The following GAS7 variants were observed in gnomAD, a reference collection of about 807,000 sequenced individuals.
GAS7 encodes the protein growth arrest-specific protein 7.
Under a neutral mutation model 71.1 loss-of-function variants are expected in GAS7, and 28 were observed. That is an observed-to-expected ratio of 0.39 (90% CI 0.29 to 0.54). GAS7 has a LOEUF of 0.54. GAS7 is among the 20% of genes least tolerant of loss of function. GAS7 has a pLI of 0.62. For synonymous variants in GAS7, 258 were observed against 245.8 expected (o/e 1.05, Z -0.46); for missense variants, 436 against 627.8 (o/e 0.69, Z 3.27).
chr17:10,148,148 G>T (rs1478855055), intron 1 of GAS7, among the ~76,000 whole-genome samples: 2 of 151,998 alleles, frequency 1.3e-5, no homozygotes, highest in African/African-American at 2.4e-5. Flanking sequence ...TGAGAAAGAG[G>T]GAGTCAAAAA....
At chr17:9,977,023 T>G (rs1045005563) in intron 3 of GAS7, among the ~76,000 whole-genome samples, 2 of 152,208 alleles carry the variant, frequency 1.3e-5, no homozygotes, top group Non-Finnish European at 2.9e-5. Flanking sequence ...ACTCATGACA[T>G]CTGAATAAAG....
Position 10,153,535 on chromosome 17 carries a change from A to G in GAS7, c.183+44673T>C, listed in dbSNP as rs921356639. On this transcript the variant is annotated intron_variant, in intron 1 of 13. Transcript: ENST00000432992. ...TTTGACTCACAAAAAAAAAAAAAAAAAGAAATCAATGAGAAACCTGAAGCC... is the reference window on the plus strand; with the variant it reads ...TTTGACTCACAAAAAAAAAAAAAAAGAGAAATCAATGAGAAACCTGAAGCC... 2.3e-4 allele frequency among the ~76,000 whole-genome samples: 35 copies of G among 151,700 alleles called. 1 individual carries two copies. In the South Asian group the frequency reaches 6.8e-3, roughly 30 times the overall value.
chr17:9,963,802 G>A (rs946031426), intron 4 of GAS7, among the ~76,000 whole-genome samples: 7 of 151,908 alleles, frequency 4.6e-5, no homozygotes, highest in Admixed American at 1.3e-4. Context: ...TATATTAGGC[G>A]GCATTATTGA....
chr17:10,032,051 TAACAAGGG>T (rs1296139983), intron 1 of GAS7, among the ~76,000 whole-genome samples: 4 of 125,744 alleles, frequency 3.2e-5, no homozygotes, highest in Non-Finnish European at 6.4e-5. Flanking sequence ...GCTCCAGAAA[TAACAAGGG>T]AAGCAGGGAC....
At chr17:10,119,023 C>T (rs376858817) in intron 1 of GAS7, among the ~76,000 whole-genome samples, 1 of 152,176 alleles carries the variant, frequency 6.6e-6, no homozygotes, top group Non-Finnish European at 1.5e-5. Context: ...GAGCATATAC[C>T]ATGCACCAGG....
intron 1 of GAS7, among the ~76,000 whole-genome samples, chr17:10,114,154 C>T (rs868466339): frequency 1.3e-5 from 2 of 152,068 alleles, no homozygotes; most frequent in Non-Finnish European, 2.9e-5. Context: ...TCTCAAACTC[C>T]TGGGCTCAAG....
chr17:10,108,959 A>G (rs900816858), intron 1 of GAS7, among the ~76,000 whole-genome samples: 1 of 152,132 alleles, frequency 6.6e-6, no homozygotes, highest in Non-Finnish European at 1.5e-5. Flanking sequence ...CAAAACCAAA[A>G]ATAGACAAAT....
chr17:10,102,205 TAAAAAAAAAA>T (rs34961542), intron 1 of GAS7, among the ~76,000 whole-genome samples: 3 of 70,274 alleles, frequency 4.3e-5, no homozygotes, highest in African/African-American at 1.2e-4. Context: ...AGAGTGCCCG[TAAAAAAAAAA>T]AAAAAAAAAA....
chr17:9,965,174 G>A (rs959243119), intron 4 of GAS7, among the ~76,000 whole-genome samples: 5 of 152,142 alleles, frequency 3.3e-5, no homozygotes, highest in Non-Finnish European at 5.9e-5. Context: ...CTATTACTGA[G>A]TATACCCAAA....
At chr17:9,955,491 G>T (rs1371775364) in intron 5 of GAS7, among the ~76,000 whole-genome samples, 1 of 152,214 alleles carries the variant, frequency 6.6e-6, no homozygotes, top group Non-Finnish European at 1.5e-5. Flanking sequence ...TGCAAGGCAG[G>T]TGCTATTATT....
chr17:10,167,386 T>C (rs2074303763), intron 1 of GAS7, among the ~76,000 whole-genome samples: 1 of 152,140 alleles, frequency 6.6e-6, no homozygotes, highest in Non-Finnish European at 1.5e-5. Context: ...TAAAGTTATA[T>C]CTGTAAACTT....
intron 1 of GAS7, among the ~76,000 whole-genome samples, chr17:10,155,860 A>T (rs1219941314): frequency 6.6e-6 from 1 of 152,228 alleles, no homozygotes; most frequent in Non-Finnish European, 1.5e-5. Flanking sequence ...AGATACAGAA[A>T]GGTTATGTAA....
chr17:9,925,132 T>A (rs2067950072), intron 11 of GAS7, among the ~76,000 whole-genome samples: 1 of 152,000 alleles, frequency 6.6e-6, no homozygotes, highest in African/African-American at 2.4e-5. Context: ...GAGCTCTCAG[T>A]GCATGAAGGA....
rs563659628 is a variant in GAS7, at chr17:9,969,091, A to G, written c.471+586T>C. On this transcript the variant is annotated intron_variant, in intron 4 of 13. Transcript: ENST00000432992. The surrounding 1 kb of genome is among the most constrained non-coding windows in gnomAD (Gnocchi z 5.5). ...CCTGTGAGCCTGCACAGGTCACAAA[A>G]CCAGTTGGAGCCTCGGTGACCTCAT... is the stretch of plus-strand genomic sequence containing the variant. Among the ~76,000 whole-genome samples the G allele has an allele frequency of 5.1e-4, 78 of 152,270 alleles. No individual in the cohort carries two copies. Among genetic ancestry groups the G allele is most frequent in the African/African-American group, 1.7e-3 (70 of 41,548 alleles).
intron 3 of GAS7, among the ~76,000 whole-genome samples, chr17:9,979,436 G>A (rs896060510): frequency 2.0e-5 from 3 of 152,084 alleles, no homozygotes; most frequent in South Asian, 2.1e-4. Flanking sequence ...ACAGTGCAGC[G>A]CTGGACAGAG....
chr17:10,081,854 T>A (rs1786686966), intron 1 of GAS7, among the ~76,000 whole-genome samples: 1 of 152,208 alleles, frequency 6.6e-6, no homozygotes, highest in Admixed American at 6.5e-5. Context: ...AATTTGACAC[T>A]ATTTAGGAAA....
chr17:10,012,489 T>C (rs1236286024), intron 2 of GAS7, among the ~76,000 whole-genome samples: 7 of 152,150 alleles, frequency 4.6e-5, no homozygotes, highest in African/African-American at 1.7e-4. Flanking sequence ...GGTTTCACCA[T>C]GGTCCCCAGG....
chr17:10,003,609 G>T (rs1005086792), intron 2 of GAS7, among the ~76,000 whole-genome samples: 3 of 152,212 alleles, frequency 2.0e-5, no homozygotes, highest in African/African-American at 7.2e-5. Flanking sequence ...GGGGCTGAGG[G>T]TATCTTTGGG....
At chr17:10,045,235 AAAG>A (rs2072933799) in intron 1 of GAS7, among the ~76,000 whole-genome samples, 1 of 152,158 alleles carries the variant, frequency 6.6e-6, no homozygotes, top group East Asian at 1.9e-4. Context: ...AGATGCCATT[AAAG>A]AAGAGAACAA....
Sources: gnomAD v4.1 joint callset for allele counts (sites outside exome capture counted in the v4.1 genomes callset) on GRCh38, gnomAD v4.1.1 for gene constraint, Gnocchi (gnomAD v3.1) non-coding constraint, MANE v1.5 for transcripts, NCBI Gene and HGNC (gene_info 2026-07-23, HGNC 2026-07-21) for gene names.